Variants in UXS1 observed in about 807,000 individuals in gnomAD.
UXS1 encodes UDP-glucuronic acid decarboxylase 1.
In UXS1, 33 loss-of-function variants were observed where a neutral mutation model predicts 62.6. The observed-to-expected ratio is 0.53, with a 90% CI of 0.40 to 0.70. The LOEUF (loss-of-function observed/expected upper bound fraction) is 0.70. Ranked by LOEUF, UXS1 falls within the 30% of genes least tolerant of loss-of-function variation. The pLI, the probability that UXS1 is intolerant of heterozygous loss-of-function variation, is 0.00. For missense variants in UXS1, 434 were observed against 556.3 expected (o/e 0.78, Z 2.21); for synonymous variants, 213 against 206.8 (o/e 1.03, Z -0.26).
chr2:106,121,187 G>A (rs1237836320), intron 9 of UXS1, among the ~76,000 whole-genome samples: 4 of 152,040 alleles, frequency 2.6e-5, no homozygotes, highest in Admixed American at 2.0e-4. Flanking sequence ...AAGAAGTGCT[G>A]CTTCTATTAT....
chr2:106,143,433 A>AAAAAAAAAAAAAAG (rs1558719517), intron 6 of UXS1, among the ~76,000 whole-genome samples: 1 of 125,750 alleles, frequency 8.0e-6, no homozygotes, highest in East Asian at 2.2e-4. Context: ...AAAAAAAAAA[A>AAAAAAAAAAAAAAG]AAAAAGGTAT....
intron 5 of UXS1, 120 bp from the exon 6 acceptor site, chr2:106,145,490 G>A (rs775084870): frequency 2.6e-5 from 33 of 1,270,604 alleles, no homozygotes; most frequent in Non-Finnish European, 3.3e-5. Flanking sequence ...GGAGCAAGGC[G>A]GGGAAGGAAG....
chr2:106,126,831 A>G (rs986897862), intron 7 of UXS1, among the ~76,000 whole-genome samples: 1 of 152,160 alleles, frequency 6.6e-6, no homozygotes, highest in African/African-American at 2.4e-5. Flanking sequence ...TGAAACGGAC[A>G]TTCCATTGAT....
intron 5 of UXS1, among the ~76,000 whole-genome samples, chr2:106,154,754 C>T (rs572558841): frequency 2.6e-5 from 4 of 152,320 alleles, no homozygotes; most frequent in African/African-American, 7.2e-5. Flanking sequence ...TGACTTGTCA[C>T]ATGTAAGGGA....
intron 7 of UXS1, among the ~76,000 whole-genome samples, chr2:106,129,066 C>T (rs1401597549): frequency 6.6e-6 from 1 of 152,204 alleles, no homozygotes; most frequent in Non-Finnish European, 1.5e-5. Context: ...TTACCCACTG[C>T]TATAAATCTA....
intron 5 of UXS1, among the ~76,000 whole-genome samples, chr2:106,147,681 G>C (rs1295977170): frequency 6.6e-6 from 1 of 152,120 alleles, no homozygotes. Context: ...CAATGTAAAA[G>C]CCCTATATAT....
rs746016671 is a variant in UXS1 at position 106,194,278 on chromosome 2, G to T, written c.-37C>A. 6 of 1,214,280 alleles carry T rather than the reference G, an allele frequency of 4.9e-6. No homozygotes were observed. The highest frequency in any genetic ancestry group is 4.0e-5 in the Admixed American group (1 of 25,198). 75.2% of individuals were successfully genotyped at this position (1,214,280 alleles called of 1,614,324 possible). ...GCGCGGGTCCAGGGCCCTACCGCGC[G>T]GGGGCCCGCCTGCTGCACAATGCGC... On this transcript the variant is annotated 5_prime_UTR_variant, in exon 1 of 15. Transcript: ENST00000283148.
intron 6 of UXS1, 88 bp from the exon 7 acceptor site, chr2:106,129,866 A>C (rs1680287966): frequency 4.3e-6 from 3 of 705,718 alleles, no homozygotes; most frequent in South Asian, 4.5e-5. Flanking sequence ...TAATAAACGT[A>C]TTAGTATATC....
intron 1 of UXS1, among the ~76,000 whole-genome samples, chr2:106,174,796 C>CGGCGGAAG (rs1553437458): frequency 2.4e-4 from 37 of 152,244 alleles, no homozygotes; most frequent in Non-Finnish European, 4.6e-4. Flanking sequence ...CACCATCCCA[C>CGGCGGAAG]AGCGGAAGAC....
At chr2:106,157,979 C>G in intron 5 of UXS1, 79 bp downstream of exon 5, 1 of 1,244,270 alleles carries the variant, frequency 8.0e-7, no homozygotes, top group Non-Finnish European at 1.1e-6. Flanking sequence ...AGCGTGAATT[C>G]TATGATATGT....
At chr2:106,162,355 T>C (rs370300989) in intron 4 of UXS1, among the ~76,000 whole-genome samples, 1 of 152,362 alleles carries the variant, frequency 6.6e-6, no homozygotes, top group Non-Finnish European at 1.5e-5. Context: ...AGAGATTGCA[T>C]AATTCTCACA....
In UXS1 at chr2:106,114,481, G is replaced by C. The variant is rs577784510; in HGVS notation, c.760-1716C>G. On this transcript the variant is annotated intron_variant, in intron 9 of 14. Transcript: ENST00000283148. ...GCATTTAATTGATAAGATGAGGAAA[G>C]AAAGTGAATGGATGTGGCTTTATTC... is the stretch of plus-strand genomic sequence containing the variant. Among the ~76,000 whole-genome samples, 16 of 152,340 alleles carry C rather than the reference G, an allele frequency of 1.1e-4. No homozygotes were observed. In the East Asian group the frequency reaches 2.7e-3, roughly 26 times the overall value.
At chr2:106,121,914 G>A (rs1226700852) in intron 9 of UXS1, among the ~76,000 whole-genome samples, 1 of 152,130 alleles carries the variant, frequency 6.6e-6, no homozygotes, top group African/African-American at 2.4e-5. Flanking sequence ...AAGGGAAGTC[G>A]ATTAAACTCT....
chr2:106,188,677 G>A (rs577195304), intron 1 of UXS1, among the ~76,000 whole-genome samples: 8 of 152,192 alleles, frequency 5.3e-5, no homozygotes, highest in Non-Finnish European at 1.2e-4. Flanking sequence ...AGCCCGGGAG[G>A]ACCAACCCGC....
rs1446580611 is a variant in UXS1, at chr2:106,134,287, A to T, written c.473-4509T>A. ...AATCAATAGTTTACCAACCAAAAAG[A>T]GTCCAGGACCAGATGGATTCACAGC... On this transcript the variant is annotated intron_variant, in intron 6 of 14. Coordinates refer to ENST00000283148, the MANE Select transcript of UXS1 (RefSeq NM_001253875.2). 1.2e-4 allele frequency among the ~76,000 whole-genome samples: 13 copies of T among 108,428 alleles called. 1 individual carries two copies. The allele number at this position is 108,428 out of a possible 152,430, so 71.1% of individuals were successfully genotyped here. A position where few individuals can be genotyped will look rare whatever the true frequency, so the allele number is the denominator to read the frequency against.
At chr2:106,111,893 C>T (rs1678643691) in intron 10 of UXS1, among the ~76,000 whole-genome samples, 1 of 151,934 alleles carries the variant, frequency 6.6e-6, no homozygotes, top group Non-Finnish European at 1.5e-5. Context: ...ATCAGAAGAG[C>T]AAAGCAGCCT....
intron 6 of UXS1, chr2:106,138,763 C>T (rs1667606108): frequency 1.0e-6 from 1 of 985,496 alleles, no homozygotes; most frequent in Non-Finnish European, 1.2e-6. Context: ...GGCACTGCTG[C>T]ATCCTCCCAT....
chr2:106,121,661 T>C (rs192058793), intron 9 of UXS1, among the ~76,000 whole-genome samples: 1 of 152,314 alleles, frequency 6.6e-6, no homozygotes, highest in East Asian at 1.9e-4. Context: ...CGGCATTTCA[T>C]AGAGGAAGTG....
At chr2:106,184,147 G>A (rs1684414595) in intron 1 of UXS1, among the ~76,000 whole-genome samples, 2 of 152,076 alleles carry the variant, frequency 1.3e-5, no homozygotes, top group South Asian at 4.2e-4. Context: ...AGGCAAAATC[G>A]CACCACTGCA....
Sources: allele counts gnomAD v4.1 joint callset (sites outside exome capture counted in the v4.1 genomes callset), GRCh38; gene constraint gnomAD v4.1.1; transcripts MANE v1.5; gene names NCBI Gene and HGNC (gene_info 2026-07-23, HGNC 2026-07-21).